Variants in PLD5 observed in about 807,000 individuals in gnomAD.
PLD5 encodes phospholipase D family member 5.
A neutral mutation model predicts 61.1 loss-of-function variants in PLD5; 36 were observed. That is an observed-to-expected ratio of 0.59 (90% CI 0.45 to 0.78). The LOEUF is 0.78. Among genes scored for constraint, PLD5 ranks in the 30% least tolerant of loss-of-function variants. PLD5 has a pLI of 0.00. For synonymous variants in PLD5, 243 were observed against 242.8 expected (o/e 1.00, Z -0.01); for missense variants, 515 against 644.4 (o/e 0.80, Z 2.17).
chr1:242,332,045 C>T (rs1376158673), intron 2 of PLD5, among the ~76,000 whole-genome samples: 2 of 152,062 alleles, frequency 1.3e-5, no homozygotes, highest in Non-Finnish European at 2.9e-5. Flanking sequence ...TAGCCTCCCA[C>T]CCCCTGACAG....
intron 1 of PLD5, among the ~76,000 whole-genome samples, chr1:242,469,551 C>T (rs6657325): frequency 0.64 from 96,954 of 151,996 alleles, 31,795 homozygotes; most frequent in African/African-American, 0.78. Flanking sequence ...TGCTCTGTGG[C>T]CCAGGCTGGG....
chr1:242,088,786 AAGCAC>A lies in PLD5; in HGVS notation c.*1063_*1067del, dbSNP rs2148637913. ...TTTCTGCTTCTTAGTAAAATATGTT[AAGCAC>A]AGTATTTAAATTGCATTTCTCTGAA... On this transcript the variant is annotated 3_prime_UTR_variant, in exon 10 of 10. Transcript: ENST00000536534. 6.6e-6 allele frequency: 1 copy of A among 152,414 alleles called. No individual in the cohort carries two copies. The highest frequency in any genetic ancestry group is 1.9e-4 in the East Asian group (1 of 5,192). The allele number at this position is 152,414 out of a possible 1,614,324, so 9.4% of individuals were successfully genotyped here. A position where few individuals can be genotyped will look rare whatever the true frequency, so the allele number is the denominator to read the frequency against.
At chr1:242,483,231 G>A (rs1355543722) in intron 1 of PLD5, among the ~76,000 whole-genome samples, 42 of 152,082 alleles carry the variant, frequency 2.8e-4, no homozygotes, top group African/African-American at 9.4e-4. Context: ...ATGTAAATGG[G>A]CTAAATGCTC....
chr1:242,504,104 TA>T (rs1047564608), intron 1 of PLD5, among the ~76,000 whole-genome samples: 183 of 151,242 alleles, frequency 1.2e-3, no homozygotes, highest in African/African-American at 3.8e-3. Flanking sequence ...TCTTCTCTCA[TA>T]AAAAAAAATG....
intron 3 of PLD5, among the ~76,000 whole-genome samples, chr1:242,266,338 A>C (rs183597286): frequency 3.0e-4 from 46 of 152,318 alleles, no homozygotes; most frequent in African/African-American, 1.1e-3. Context: ...CCAAGGTTGC[A>C]CCAGAGCACT....
chr1:242,424,853 C>G (rs573126146), intron 1 of PLD5, among the ~76,000 whole-genome samples: 13 of 152,032 alleles, frequency 8.6e-5, no homozygotes, highest in African/African-American at 3.1e-4. Flanking sequence ...TGTTGCTGAC[C>G]GGGCGTGGTG....
chr1:242,446,792 G>A (rs1331816904), intron 1 of PLD5, among the ~76,000 whole-genome samples: 1 of 152,154 alleles, frequency 6.6e-6, no homozygotes, highest in Non-Finnish European at 1.5e-5. Context: ...TTGAAATTTC[G>A]AGGCTGGGGC....
Position 242,413,556 on chromosome 1 carries a change from A to G in PLD5, c.190-65314T>C, listed in dbSNP as rs963491724. On this transcript the variant is annotated intron_variant, in intron 1 of 9. Coordinates refer to ENST00000536534, the MANE Select transcript of PLD5 (RefSeq NM_001372062.1). ...TTGAGACCAATCTTGTCATTCACAG[A>G]GATTTGTTCCCACTCACAAACGACT... is the stretch of plus-strand genomic sequence containing the variant. Among the ~76,000 whole-genome samples the G allele has an allele frequency of 3.9e-5, 6 of 152,326 alleles. No individual in the cohort carries two copies. The East Asian group carries it at 1.2e-3, about 29-fold the overall frequency.
At chr1:242,139,588 C>A (rs750279033) in intron 5 of PLD5, among the ~76,000 whole-genome samples, 1 of 152,154 alleles carries the variant, frequency 6.6e-6, no homozygotes, top group Non-Finnish European at 1.5e-5. Context: ...AACAGGGCCA[C>A]ATCTGACTTC....
chr1:242,256,538 G>A lies in PLD5; in HGVS notation c.607+8799C>T, dbSNP rs77468964. Among the ~76,000 whole-genome samples the A allele has an allele frequency of 6.6e-3, 1,005 of 152,196 alleles. 12 individuals carry two copies. Among genetic ancestry groups the A allele is most frequent in the African/African-American group, 0.023 (948 of 41,504 alleles). On this transcript the variant is annotated intron_variant, in intron 4 of 9. Transcript: ENST00000536534. This position sits in a 1 kb window ranked among gnomAD's most constrained non-coding sequence, Gnocchi z 5.7. ...TCTTTTGTGCCCTTCTGTCTTATCC[G>A]CCACGTGAGGACACAGCGTTTGTTC...
chr1:242,351,466 T>C (rs1558488708), intron 1 of PLD5, among the ~76,000 whole-genome samples: 3 of 152,164 alleles, frequency 2.0e-5, no homozygotes, highest in African/African-American at 7.2e-5. Context: ...GTTCTCATGA[T>C]AGTGAGTAAG....
intron 6 of PLD5, among the ~76,000 whole-genome samples, chr1:242,122,907 T>G (rs1160047861): frequency 4.6e-5 from 7 of 152,218 alleles, no homozygotes; most frequent in African/African-American, 1.7e-4. Flanking sequence ...GACAAAAAAG[T>G]TGTTGGCATA....
At position 242,098,133 on chromosome 1, in the gene PLD5, T is replaced by G. The variant is rs955607792; in HGVS notation, c.1354+2535A>C. 3.9e-5 allele frequency among the ~76,000 whole-genome samples: 6 copies of G among 152,364 alleles called. No individual in the cohort carries two copies. The South Asian group carries it at 1.2e-3, about 32-fold the overall frequency. On this transcript the variant is annotated intron_variant, in intron 9 of 9. Transcript: ENST00000536534. ...CCTTGCTAGATTGGGGAAGTTCTCC[T>G]GGATAATATCCTGCAGAGTGTTTTC...
chr1:242,273,749 T>C (rs922782148), intron 3 of PLD5, among the ~76,000 whole-genome samples: 1 of 152,114 alleles, frequency 6.6e-6, no homozygotes, highest in African/African-American at 2.4e-5. Flanking sequence ...CAATCACAAG[T>C]GTACTTATAA....
chr1:242,471,630 T>A, intron 1 of PLD5, among the ~76,000 whole-genome samples: 1 of 151,978 alleles, frequency 6.6e-6, no homozygotes, highest in East Asian at 1.9e-4. Flanking sequence ...AAAGGACATA[T>A]AAAAAGAGAA....
chr1:242,313,928 G>C (rs1676851686), intron 2 of PLD5, among the ~76,000 whole-genome samples: 1 of 152,158 alleles, frequency 6.6e-6, no homozygotes, highest in Admixed American at 6.5e-5. Context: ...GAACTTGGCA[G>C]CAAGAGATGA....
chr1:242,118,523 T>G (rs1313054748), intron 6 of PLD5, among the ~76,000 whole-genome samples: 1 of 152,258 alleles, frequency 6.6e-6, no homozygotes, highest in East Asian at 1.9e-4. Flanking sequence ...TGGCATCTTG[T>G]GCCATGCACA....
chr1:242,257,489 G>T (rs1673137539), intron 4 of PLD5, among the ~76,000 whole-genome samples: 1 of 152,174 alleles, frequency 6.6e-6, no homozygotes, highest in Non-Finnish European at 1.5e-5. Context: ...CAAGCTCTAG[G>T]ATGAATTTCT....
intron 2 of PLD5, among the ~76,000 whole-genome samples, chr1:242,335,193 T>C (rs2749648): frequency 0.83 from 126,306 of 151,302 alleles, 54,049 homozygotes; most frequent in Non-Finnish European, 0.93. Context: ...AGTTTTTCCT[T>C]CCTAATGGAA....
Sources: allele counts gnomAD v4.1 joint callset (sites outside exome capture counted in the v4.1 genomes callset), GRCh38; gene constraint gnomAD v4.1.1; non-coding constraint Gnocchi (gnomAD v3.1); transcripts MANE v1.5; gene names NCBI Gene and HGNC (gene_info 2026-07-23, HGNC 2026-07-21).